CHMP1A: variants seen among roughly 807,000 people sequenced by gnomAD.
CHMP1A encodes the protein VPS46 homolog A.
CHMP1A carries 17 observed loss-of-function variants against 27.0 expected under a neutral mutation model. The observed-to-expected ratio is 0.63, with a 90% CI of 0.43 to 0.95. CHMP1A has a LOEUF of 0.95. CHMP1A is among the 40% of genes least tolerant of loss of function. CHMP1A has a pLI of 0.00. For synonymous variants in CHMP1A, 131 were observed against 107.5 expected (o/e 1.22, Z -1.35); for missense variants, 275 against 264.0 (o/e 1.04, Z -0.29).
rs939184597 is a variant in CHMP1A at position 89,649,057 on chromosome 16, G to C, written c.252+294C>G. On this transcript the variant is annotated intron_variant, in intron 4 of 6. Transcript: ENST00000397901. The stretch of plus-strand genomic sequence containing the variant: ...TATATTTAAAAAAAAAAAAGCCCAA[G>C]TCTTATCAAGAGGTCCTTCCTGGGG... 1.7e-5 allele frequency: 6 copies of C among 361,808 alleles called. No individual in the cohort carries two copies. The South Asian group carries it at 3.0e-4, about 18-fold the overall frequency. 22.4% of individuals were successfully genotyped at this position (361,808 alleles called of 1,614,324 possible). A position where few individuals can be genotyped will look rare whatever the true frequency, so the allele number is the denominator to read the frequency against.
At chr16:89,647,009 G>A in intron 5 of CHMP1A, 194 bp downstream of exon 5, 5 of 1,505,940 alleles carry the variant, frequency 3.3e-6, no homozygotes, top group Non-Finnish European at 4.4e-6. Context: ...GCCTGCAGGA[G>A]GCCCCCGCCG....
At chr16:89,653,471 A>C (rs924709486) in intron 2 of CHMP1A, among the ~76,000 whole-genome samples, 1 of 150,834 alleles carries the variant, frequency 6.6e-6, no homozygotes, top group Admixed American at 6.6e-5. Flanking sequence ...ATGTAAAAAA[A>C]AATTAGCTGG....
rs1405014132 is a variant in CHMP1A, at chr16:89,647,253, C to T, written c.331G>A (p.Val111Met). The T allele has an allele frequency of 1.2e-6, 2 of 1,610,662 alleles. No homozygotes were observed. Among genetic ancestry groups the T allele is most frequent in the African/African-American group, 1.3e-5 (1 of 75,044 alleles). Residue 111 changes from valine (V) to methionine (M), a missense_variant, in exon 5 of 7, where the codon GTG (valine) becomes ATG (methionine). By Grantham distance (21) the Val-to-Met change is conservative. Transcript: ENST00000397901. ...ACCTGCTGCTCGAACCTGTCCATCA[C>T]TGAGGAGACCTTCTGCAGGTCCATG... ...STMDLQKVSS[V>M]MDRFEQQVQN... is the part of the protein sequence containing the mutation.
rs750079319 is a variant in CHMP1A at position 89,651,657 on chromosome 16, G to A, written c.28-11C>T. The A allele has an allele frequency of 6.2e-7, 1 of 1,613,310 alleles. No homozygotes were observed. Among genetic ancestry groups the A allele is most frequent in the Non-Finnish European group, 8.5e-7 (1 of 1,179,760 alleles). The stretch of plus-strand genomic sequence containing the variant: ...CTGCTTCGCCGTGAACTGAGCGGAA[G>A]CCGGAATGTCCTGGGTCAGACATGC... On this transcript the variant is annotated splice_polypyrimidine_tract_variant and intron_variant, in intron 2 of 6. Transcript: ENST00000397901.
rs558559934 is a variant in CHMP1A, at chr16:89,647,203, C to T, written c.381G>A (p.Ser127=). 23 of 1,608,824 alleles carry T rather than the reference C, an allele frequency of 1.4e-5. No individual in the cohort carries two copies. Among genetic ancestry groups the T allele is most frequent in the African/African-American group, 4.0e-5 (3 of 74,976 alleles). The change falls in exon 5 of 7, where the codon TCG becomes TCA. Residue 127 remains serine, a splice_region_variant and synonymous_variant. Coordinates refer to ENST00000397901, the MANE Select transcript of CHMP1A (RefSeq NM_002768.5). ...AGCCCCAAGGGTAGGGGCCACATAC[C>T]GATGTATGGACGTCCAGGTTCTGCA... ...QQVQNLDVHT[S]VMEDSMSSAT...
intron 3 of CHMP1A, among the ~76,000 whole-genome samples, chr16:89,650,415 C>A (rs965813103): frequency 1.3e-5 from 2 of 152,180 alleles, no homozygotes; most frequent in African/African-American, 4.8e-5. Flanking sequence ...CCCCTGTAAG[C>A]CTCCAGCCCC....
chr16:89,646,087 C>T lies in CHMP1A; in HGVS notation c.570G>A (p.Arg190=), dbSNP rs1742696132. ...VRSQEDQLSR[R]LAALRN Reference sequence around the variant, plus strand: ...ACGGCTAGTTCCTCAAGGCGGCCAACCTGGAAACCAACAACAGGACTCGGG... The same window carrying T: ...ACGGCTAGTTCCTCAAGGCGGCCAATCTGGAAACCAACAACAGGACTCGGG... Residue 190 remains arginine (R), a splice_region_variant and synonymous_variant, in exon 7 of 7, where the codon AGG becomes AGA. Transcript: ENST00000397901. The T allele has an allele frequency of 2.6e-6, 4 of 1,543,388 alleles. No individual in the cohort carries two copies. In the South Asian group the frequency reaches 5.0e-5, roughly 19 times the overall value.
chr16:89,657,164 G>A (rs1235122775), intron 1 of CHMP1A, among the ~76,000 whole-genome samples: 1 of 149,134 alleles, frequency 6.7e-6, no homozygotes, highest in Non-Finnish European at 1.5e-5. Flanking sequence ...GTCGGTGGTC[G>A]GGGGTCGAGG....
chr16:89,651,466 C>T, intron 3 of CHMP1A, 103 bp downstream of exon 3: 2 of 912,060 alleles, frequency 2.2e-6, no homozygotes, highest in Non-Finnish European at 3.4e-6. Flanking sequence ...TGCCCTGCCC[C>T]TCCCCAAAAG....
chr16:89,646,896 A>ACCCCCC, intron 5 of CHMP1A, 182 bp from the exon 6 acceptor site: 13 of 189,488 alleles, frequency 6.9e-5, no homozygotes, highest in South Asian at 1.2e-4. Context: ...CCCCCCACCC[A>ACCCCCC]GCCCCACCCT....
At chr16:89,656,427 G>A (rs1275454696) in intron 1 of CHMP1A, among the ~76,000 whole-genome samples, 4 of 152,194 alleles carry the variant, frequency 2.6e-5, no homozygotes, top group East Asian at 1.9e-4. Context: ...GTGAGCCACC[G>A]CGCCCAGCCC....
In CHMP1A at chr16:89,646,598, G is replaced by C; in HGVS notation, c.498C>G (p.Ser166Arg). Residue 166 changes from serine (S) to arginine (R), a missense_variant, in exon 6 of 7, where the codon AGC (serine) becomes AGG (arginine). Transcript: ENST00000397901. Reference protein sequence around the residue: ...ENGLEVLDQLSQLPEGASAVG... With the variant: ...ENGLEVLDQLRQLPEGASAVG... The stretch of plus-strand genomic sequence containing the variant: ...CGGCAGAGGCGCCCTCGGGCAGCTG[G>C]CTGAGCTGGTCCAGCACCTCCAGGC... 1 of 1,602,838 alleles carries C rather than the reference G, an allele frequency of 6.2e-7. No individual in the cohort carries two copies. Among genetic ancestry groups the C allele is most frequent in the Non-Finnish European group, 8.5e-7 (1 of 1,175,866 alleles).
intron 2 of CHMP1A, among the ~76,000 whole-genome samples, chr16:89,651,952 G>C (rs1030484949): frequency 6.6e-6 from 1 of 152,226 alleles, no homozygotes; most frequent in Non-Finnish European, 1.5e-5. Context: ...GAGCGGAAGG[G>C]TCAAAAACCT....
chr16:89,657,116 A>T (rs1308609756), intron 1 of CHMP1A, among the ~76,000 whole-genome samples: 9 of 45,946 alleles, frequency 2.0e-4, no homozygotes, highest in Admixed American at 2.7e-4. Flanking sequence ...GGGGTAAAGG[A>T]TCTCGGGTTG....
At chr16:89,651,441 T>A in intron 3 of CHMP1A, 128 bp downstream of exon 3, 1 of 639,838 alleles carries the variant, frequency 1.6e-6, no homozygotes, top group Admixed American at 2.9e-5. Context: ...GACGATTAAA[T>A]CATGATGTAG....
intron 1 of CHMP1A, among the ~76,000 whole-genome samples, chr16:89,656,273 A>G (rs961564069): frequency 2.0e-5 from 3 of 152,126 alleles, no homozygotes; most frequent in Non-Finnish European, 4.4e-5. Context: ...AGTAGCTGGG[A>G]CTACAGGCAC....
intron 2 of CHMP1A, among the ~76,000 whole-genome samples, chr16:89,653,260 C>G (rs1319590861): frequency 6.7e-6 from 1 of 149,090 alleles, no homozygotes; most frequent in African/African-American, 2.4e-5. Flanking sequence ...CACCCCACCT[C>G]GGTCTCCCAA....
At chr16:89,657,050 C>A (rs1291429095) in intron 1 of CHMP1A, among the ~76,000 whole-genome samples, 1 of 71,034 alleles carries the variant, frequency 1.4e-5, no homozygotes, top group Non-Finnish European at 2.7e-5. Flanking sequence ...GGTCCCGAAT[C>A]GGGGGTCGGG....
chr16:89,646,494 T>C (rs750940651), intron 6 of CHMP1A, 33 bp downstream of exon 6: 81 of 1,534,584 alleles, frequency 5.3e-5, no homozygotes, highest in Non-Finnish European at 6.9e-5. Flanking sequence ...GAGCGTGGGG[T>C]TGGTGACACA....
Sources: allele counts gnomAD v4.1 joint callset (sites outside exome capture counted in the v4.1 genomes callset), GRCh38; gene constraint gnomAD v4.1.1; transcripts MANE v1.5; gene names NCBI Gene and HGNC (gene_info 2026-07-23, HGNC 2026-07-21).